DIRAS2: variants seen among roughly 807,000 people sequenced by gnomAD.
The protein encoded by DIRAS2 is GTP-binding protein Di-Ras2.
Under a neutral mutation model 13.9 loss-of-function variants are expected in DIRAS2, and 5 were observed. The observed-to-expected ratio is 0.36, with a 90% CI of 0.19 to 0.76. The LOEUF is 0.76. Among genes scored for constraint, DIRAS2 ranks in the 30% least tolerant of loss-of-function variants. DIRAS2 has a pLI of 0.53. For missense variants in DIRAS2, 191 were observed against 263.0 expected, an observed-to-expected ratio of 0.73 and a Z score of 1.89; for synonymous variants, 111 against 105.4, an observed-to-expected ratio of 1.05 and a Z score of -0.33.
At chr9:90,618,490 A>G (rs540870) in intron 1 of DIRAS2, among the ~76,000 whole-genome samples, 107,759 of 152,062 alleles carry the variant, frequency 0.71, 39,165 homozygotes, top group Non-Finnish European at 0.78. Flanking sequence ...AAACCTTGAT[A>G]ACCTTGGAGT....
chr9:90,617,255 G>T (rs974349589), intron 1 of DIRAS2, among the ~76,000 whole-genome samples: 3 of 152,184 alleles, frequency 2.0e-5, no homozygotes, highest in African/African-American at 7.2e-5. Flanking sequence ...GGAGAAAGGA[G>T]CTGTGATTGG....
At chr9:90,635,147 G>A (rs928132103) in intron 1 of DIRAS2, among the ~76,000 whole-genome samples, 2 of 152,196 alleles carry the variant, frequency 1.3e-5, no homozygotes, top group Admixed American at 6.5e-5. Flanking sequence ...CATGGAAGAG[G>A]AGCAGACAAT....
At chr9:90,642,050 GA>G (rs1370323227) in intron 1 of DIRAS2, among the ~76,000 whole-genome samples, 1 of 152,176 alleles carries the variant, frequency 6.6e-6, no homozygotes, top group African/African-American at 2.4e-5. Context: ...TTTTAAAGAG[GA>G]AAAACAGCAT....
chr9:90,621,590 T>C (rs1825219809), intron 1 of DIRAS2, among the ~76,000 whole-genome samples: 1 of 152,168 alleles, frequency 6.6e-6, no homozygotes, highest in Non-Finnish European at 1.5e-5. Flanking sequence ...GGTTAAAAAA[T>C]GTAAGGAGAT....
Position 90,613,101 on chromosome 9 carries a change from A to T in DIRAS2, c.*127T>A. 7.5e-7 allele frequency: 1 copy of T among 1,339,072 alleles called. No homozygotes were observed. Among genetic ancestry groups the T allele is most frequent in the South Asian group, 1.4e-5 (1 of 71,082 alleles). The allele number at this position is 1,339,072 out of a possible 1,614,324, so 82.9% of individuals were successfully genotyped here. On this transcript the variant is annotated 3_prime_UTR_variant, in exon 2 of 2. Transcript: ENST00000375765. The surrounding 1 kb of genome is among the most constrained non-coding windows in gnomAD (Gnocchi z 5.6). ...GAAACGCCCTCTTAAGGACAATAGG[A>T]CGCATCTCGATTAAATGCAATGTTT...
At chr9:90,620,796 T>C (rs1033671721) in intron 1 of DIRAS2, among the ~76,000 whole-genome samples, 2 of 151,882 alleles carry the variant, frequency 1.3e-5, no homozygotes, top group Non-Finnish European at 2.9e-5. Context: ...AAATGATACA[T>C]GCAACAACCT....
intron 1 of DIRAS2, among the ~76,000 whole-genome samples, chr9:90,640,762 T>C (rs564384995): frequency 1.3e-5 from 2 of 152,320 alleles, no homozygotes; most frequent in African/African-American, 4.8e-5. Flanking sequence ...TTAAAACAGC[T>C]GGCAGGCAAC....
Position 90,613,264 on chromosome 9 carries a change from C to T in DIRAS2, c.564G>A (p.Arg188=), listed in dbSNP as rs551867271. The change falls in exon 2 of 2, where the codon AGG becomes AGA. Residue 188 remains arginine (R), a synonymous_variant. Coordinates refer to ENST00000375765, the MANE Select transcript of DIRAS2 (RefSeq NM_017594.5). The surrounding 1 kb of genome is among the most constrained non-coding windows in gnomAD (Gnocchi z 5.6). The part of the protein sequence containing the change: ...IDGKKSKQQK[R]KEKLKGKCVI... ...CGCACTTGCCTTTGAGCTTCTCTTT[C>T]CTTTTCTGCTGCTTGCTCTTTTTCC... 1 of 1,613,928 alleles carries T rather than the reference C, an allele frequency of 6.2e-7. No homozygotes were observed. The highest frequency in any genetic ancestry group is 1.1e-5 in the South Asian group (1 of 91,060).
intron 1 of DIRAS2, among the ~76,000 whole-genome samples, chr9:90,642,461 T>C (rs1422111067): frequency 6.6e-6 from 1 of 152,168 alleles, no homozygotes; most frequent in African/African-American, 2.4e-5. Flanking sequence ...ACCTGCACAG[T>C]AGAATTTTCC....
intron 1 of DIRAS2, among the ~76,000 whole-genome samples, chr9:90,634,771 T>C (rs1825356284): frequency 6.6e-6 from 1 of 152,164 alleles, no homozygotes; most frequent in African/African-American, 2.4e-5. Context: ...TGAGCTCTGG[T>C]AAATTAGAAA....
intron 1 of DIRAS2, among the ~76,000 whole-genome samples, chr9:90,626,584 C>G (rs547921216): frequency 6.6e-6 from 1 of 151,998 alleles, no homozygotes. Context: ...AATGAAGTAC[C>G]GCTTCACACC....
chr9:90,622,080 C>G (rs1443523834), intron 1 of DIRAS2, among the ~76,000 whole-genome samples: 1 of 151,952 alleles, frequency 6.6e-6, no homozygotes, highest in Non-Finnish European at 1.5e-5. Flanking sequence ...AGCAAGACAC[C>G]ATATGTATAA....
intron 1 of DIRAS2, among the ~76,000 whole-genome samples, chr9:90,619,031 C>G (rs1371198316): frequency 1.3e-5 from 2 of 152,118 alleles, no homozygotes; most frequent in East Asian, 3.8e-4. Context: ...CCCAGCTACT[C>G]AGGAGGCTGA....
At chr9:90,618,843 A>C (rs1458929502) in intron 1 of DIRAS2, among the ~76,000 whole-genome samples, 1 of 152,224 alleles carries the variant, frequency 6.6e-6, no homozygotes, top group Non-Finnish European at 1.5e-5. Flanking sequence ...GATACTCAAC[A>C]TAATAGTCAC....
chr9:90,633,512 T>G (rs1825345504), intron 1 of DIRAS2, among the ~76,000 whole-genome samples: 1 of 152,168 alleles, frequency 6.6e-6, no homozygotes. Flanking sequence ...GACAGGTGGA[T>G]ACATGTCCAG....
chr9:90,615,554 G>A (rs1825161488), intron 1 of DIRAS2, among the ~76,000 whole-genome samples: 1 of 152,192 alleles, frequency 6.6e-6, no homozygotes, highest in Admixed American at 6.5e-5. Flanking sequence ...ACTCAATCGT[G>A]TCTTAGTTTG....
chr9:90,622,867 C>T (rs1293385718), intron 1 of DIRAS2, among the ~76,000 whole-genome samples: 1 of 152,088 alleles, frequency 6.6e-6, no homozygotes, highest in East Asian at 1.9e-4. Flanking sequence ...GATAAAAACC[C>T]AATTTTTCCC....
At chr9:90,640,123 A>C (rs1277075252) in intron 1 of DIRAS2, among the ~76,000 whole-genome samples, 1 of 152,240 alleles carries the variant, frequency 6.6e-6, no homozygotes, top group Non-Finnish European at 1.5e-5. Flanking sequence ...TGCTGGCTTA[A>C]CTATATCATT....
intron 1 of DIRAS2, among the ~76,000 whole-genome samples, chr9:90,632,573 A>T (rs779879638): frequency 1.3e-4 from 20 of 152,148 alleles, no homozygotes; most frequent in Non-Finnish European, 2.4e-4. Flanking sequence ...ATAGTATGCA[A>T]TTTCCTTTTT....
Sources: allele counts gnomAD v4.1 joint callset (sites outside exome capture counted in the v4.1 genomes callset), GRCh38; gene constraint gnomAD v4.1.1; non-coding constraint Gnocchi (gnomAD v3.1); transcripts MANE v1.5; gene names NCBI Gene and HGNC (gene_info 2026-07-23, HGNC 2026-07-21).